CDH11: variants seen among roughly 807,000 people sequenced by gnomAD.
The protein encoded by CDH11 is cadherin-11.
Under a neutral mutation model 67.8 loss-of-function variants are expected in CDH11, and 11 were observed. The ratio of observed to expected loss-of-function variants is 0.16; its 90% CI spans 0.10 to 0.27. The LOEUF is 0.27. CDH11 is among the 10% of genes least tolerant of loss of function. The probability of loss-of-function intolerance (pLI) is 1.00; values close to 1 mark genes in which losing one functional copy is unlikely to be tolerated. For synonymous variants in CDH11, 419 were observed against 400.0 expected (o/e 1.05, Z -0.57); for missense variants, 847 against 1,031.2 (o/e 0.82, Z 2.45).
At chr16:65,048,205 G>A (rs963534921) in intron 2 of CDH11, among the ~76,000 whole-genome samples, 6 of 152,072 alleles carry the variant, frequency 3.9e-5, no homozygotes, top group African/African-American at 1.2e-4. Flanking sequence ...CAGTCACCTC[G>A]CTGCATTAGC....
chr16:64,950,740 C>A (rs1164483898), intron 12 of CDH11, 27 bp downstream of exon 12: 3 of 1,606,410 alleles, frequency 1.9e-6, no homozygotes, highest in Non-Finnish European at 2.6e-6. Context: ...CTGGCCCTTC[C>A]TGCAGGGGAC....
At chr16:65,020,127 C>G (rs888604473) in intron 2 of CDH11, among the ~76,000 whole-genome samples, 4 of 152,162 alleles carry the variant, frequency 2.6e-5, no homozygotes, top group Non-Finnish European at 2.9e-5. Flanking sequence ...AGGTATGACT[C>G]TTTCCAGCAA....
chr16:64,977,568 T>A (rs2072207290), intron 8 of CDH11, among the ~76,000 whole-genome samples: 1 of 152,196 alleles, frequency 6.6e-6, no homozygotes, highest in Admixed American at 6.5e-5. Flanking sequence ...GTTAGAAGGG[T>A]CCATAGTCAT....
chr16:64,963,909 GA>G (rs924976401), intron 11 of CDH11, among the ~76,000 whole-genome samples: 4 of 151,200 alleles, frequency 2.6e-5, no homozygotes, highest in African/African-American at 9.7e-5. Context: ...AGCAAAAATG[GA>G]AAAAAAAATT....
intron 3 of CDH11, among the ~76,000 whole-genome samples, chr16:65,003,535 G>A (rs1167484588): frequency 1.3e-5 from 2 of 152,202 alleles, no homozygotes; most frequent in African/African-American, 4.8e-5. Flanking sequence ...AGGATTACAG[G>A]TGTGAGCCAC....
intron 11 of CDH11, among the ~76,000 whole-genome samples, chr16:64,967,396 T>C (rs1170754870): frequency 1.3e-5 from 2 of 152,082 alleles, no homozygotes; most frequent in Non-Finnish European, 2.9e-5. Flanking sequence ...TTTTTTTGTG[T>C]TTTAGTAGAG....
At chr16:65,042,803 T>C (rs1027682821) in intron 2 of CDH11, among the ~76,000 whole-genome samples, 1 of 152,210 alleles carries the variant, frequency 6.6e-6, no homozygotes, top group Non-Finnish European at 1.5e-5. Flanking sequence ...CTTTTTCATC[T>C]GCACCTGAAT....
At chr16:64,977,120 G>A (rs1454567821) in intron 8 of CDH11, among the ~76,000 whole-genome samples, 1 of 152,032 alleles carries the variant, frequency 6.6e-6, no homozygotes, top group African/African-American at 2.4e-5. Flanking sequence ...GTTCACCTGA[G>A]CGCAGGGAGC....
intron 2 of CDH11, among the ~76,000 whole-genome samples, chr16:65,033,480 C>T (rs1029891916): frequency 2.0e-5 from 3 of 152,102 alleles, no homozygotes; most frequent in Admixed American, 2.0e-4. Context: ...GTGGCTCAAG[C>T]CTGTAATCCC....
In CDH11 at chr16:64,998,660, G is replaced by C; in HGVS notation, c.425C>G (p.Pro142Arg). 1 of 1,614,072 alleles carries C rather than the reference G, an allele frequency of 6.2e-7. No homozygotes were observed. Among genetic ancestry groups the C allele is most frequent in the Non-Finnish European group, 8.5e-7 (1 of 1,180,018 alleles). Residue 142 changes from proline (P) to arginine (R), a missense_variant, in exon 4 of 13, where the codon CCG (proline) becomes CGG (arginine). Coordinates refer to ENST00000268603, the MANE Select transcript of CDH11 (RefSeq NM_001797.4). ...DRDTNRPLEP[P>R]SEFIVKVQDI... ...CTGGACCTTGACAATGAATTCCGACGGTGGCTCCAGTGGCCGATTGGTGTC... is the reference window on the plus strand; with the variant it reads ...CTGGACCTTGACAATGAATTCCGACCGTGGCTCCAGTGGCCGATTGGTGTC...
chr16:65,071,553 G>A (rs897453698), intron 1 of CDH11, among the ~76,000 whole-genome samples: 1 of 152,120 alleles, frequency 6.6e-6, no homozygotes, highest in African/African-American at 2.4e-5. Context: ...CACAGACCCA[G>A]GAAGATTTAA....
At chr16:64,991,073 T>A (rs2142490019) in intron 6 of CDH11, among the ~76,000 whole-genome samples, 1 of 152,306 alleles carries the variant, frequency 6.6e-6, no homozygotes, top group East Asian at 1.9e-4. Context: ...TGGTGGCTTA[T>A]GACTCCAGTT....
At chr16:64,991,984 G>C in intron 5 of CDH11, 49 bp from the exon 6 acceptor site, 1 of 1,396,564 alleles carries the variant, frequency 7.2e-7, no homozygotes, top group African/African-American at 1.4e-5. Flanking sequence ...ATAACATTAT[G>C]ACAACAAGAA....
intron 2 of CDH11, among the ~76,000 whole-genome samples, chr16:65,024,903 G>C (rs1204607546): frequency 6.6e-6 from 1 of 152,178 alleles, no homozygotes; most frequent in East Asian, 1.9e-4. Flanking sequence ...ACACTCCATA[G>C]TAAATAGAAC....
intron 2 of CDH11, among the ~76,000 whole-genome samples, chr16:65,021,890 A>AG (rs1555520097): frequency 5.3e-4 from 80 of 150,808 alleles, no homozygotes; most frequent in South Asian, 1.7e-3. Context: ...AAAAAAAAAA[A>AG]AAAGAAAGAA....
chr16:64,952,594 T>C (rs535270322), intron 11 of CDH11, among the ~76,000 whole-genome samples: 6 of 152,320 alleles, frequency 3.9e-5, no homozygotes, highest in Admixed American at 1.3e-4. Flanking sequence ...TGGGAAAGCA[T>C]TGGTATTATA....
chr16:65,005,932 C>T (rs767465004), intron 2 of CDH11, among the ~76,000 whole-genome samples: 1 of 152,190 alleles, frequency 6.6e-6, no homozygotes, highest in African/African-American at 2.4e-5. Context: ...CCAGTAATGC[C>T]TTTCACCTTT....
At chr16:64,992,465 T>C (rs891856098) in intron 5 of CDH11, among the ~76,000 whole-genome samples, 1 of 152,268 alleles carries the variant, frequency 6.6e-6, no homozygotes, top group African/African-American at 2.4e-5. Flanking sequence ...TATTATCACC[T>C]GTCACGGAAA....
At chr16:65,031,239 C>G (rs1018709123) in intron 2 of CDH11, among the ~76,000 whole-genome samples, 1 of 152,204 alleles carries the variant, frequency 6.6e-6, no homozygotes, top group African/African-American at 2.4e-5. Flanking sequence ...ACCAAACATA[C>G]CTAGAACATG....
Sources: allele counts gnomAD v4.1 joint callset (sites outside exome capture counted in the v4.1 genomes callset), GRCh38; gene constraint gnomAD v4.1.1; transcripts MANE v1.5; gene names NCBI Gene and HGNC (gene_info 2026-07-23, HGNC 2026-07-21).